Variants in PPP1R17 observed in about 807,000 individuals in gnomAD.
PPP1R17 encodes the protein G-substrate.
Under a neutral mutation model 15.9 loss-of-function variants are expected in PPP1R17, and 12 were observed. That is an observed-to-expected ratio of 0.75 (90% CI 0.48 to 1.22). The LOEUF (loss-of-function observed/expected upper bound fraction) is 1.22, where lower values mean the gene tolerates loss of function less well. PPP1R17 is among the 50% of genes most tolerant of loss of function. The pLI, the probability that PPP1R17 is intolerant of heterozygous loss-of-function variation, is 0.00. For synonymous variants in PPP1R17, 63 were observed against 64.5 expected (o/e 0.98, Z 0.11); for missense variants, 211 against 187.3 (o/e 1.13, Z -0.74).
intron 1 of PPP1R17, among the ~76,000 whole-genome samples, chr7:31,690,080 G>T (rs1207845620): frequency 3.9e-5 from 6 of 152,112 alleles, no homozygotes; most frequent in Non-Finnish European, 8.8e-5. Context: ...TCAATTCATC[G>T]GCCAGAGACA....
chr7:31,697,242 C>G (rs1388620062), intron 4 of PPP1R17, 125 bp downstream of exon 4: 2 of 1,225,756 alleles, frequency 1.6e-6, no homozygotes, highest in Non-Finnish European at 2.2e-6. Context: ...CTGAAGTGCT[C>G]TGGGGAGAAG....
rs961740202 is a variant in PPP1R17 at position 31,707,241 on chromosome 7, C to T, written c.426C>T (p.Ile142=). The change falls in exon 5 of 5, where the codon ATC becomes ATT. Residue 142 remains isoleucine, a synonymous_variant. Transcript: ENST00000342032. ...TCAGGGACGAGAGACCCAAAGCAAT[C>T]GTGGAAGATGACGAAAAGGATGGTG... ...TLLRDERPKA[I]VEDDEKDGDK... The T allele has an allele frequency of 5.6e-6, 9 of 1,613,834 alleles. No homozygotes were observed. The highest frequency in any genetic ancestry group is 5.3e-5 in the African/African-American group (4 of 74,902).
chr7:31,699,571 A>G lies in PPP1R17; in HGVS notation c.388+2454A>G, dbSNP rs115473093. On this transcript the variant is annotated intron_variant, in intron 4 of 4. Coordinates refer to ENST00000342032, the MANE Select transcript of PPP1R17 (RefSeq NM_006658.5). ...TGATATTTCCATACTAGAGGTTTGC[A>G]GTGTTAATGGAATATAGGCCTACCT... Among the ~76,000 whole-genome samples the G allele has an allele frequency of 6.9e-3, 1,046 of 152,252 alleles. 10 individuals are homozygous for G. The highest frequency in any genetic ancestry group is 0.024 in the African/African-American group (998 of 41,550).
chr7:31,695,717 T>A, intron 3 of PPP1R17, 96 bp downstream of exon 3: 1 of 1,331,878 alleles, frequency 7.5e-7, no homozygotes, highest in Non-Finnish European at 1.0e-6. Flanking sequence ...TTCAGGTATT[T>A]TAAAGTAATT....
At chr7:31,690,394 G>A (rs574132919) in intron 1 of PPP1R17, among the ~76,000 whole-genome samples, 5 of 152,290 alleles carry the variant, frequency 3.3e-5, no homozygotes, top group African/African-American at 9.6e-5. Context: ...GGGTAAGCTC[G>A]GGGGACAGAG....
chr7:31,696,598 G>T (rs1410557275), intron 3 of PPP1R17, among the ~76,000 whole-genome samples: 1 of 152,184 alleles, frequency 6.6e-6, no homozygotes, highest in Admixed American at 6.5e-5. Context: ...TGGCTGAAGA[G>T]GATGAGATTT....
Position 31,696,969 on chromosome 7 carries a change from G to T in PPP1R17, c.240G>T (p.Val80=). 6.2e-7 allele frequency: 1 copy of T among 1,614,004 alleles called. No individual in the cohort carries two copies. Among genetic ancestry groups the T allele is most frequent in the Non-Finnish European group, 8.5e-7 (1 of 1,179,956 alleles). The change falls in exon 4 of 5, where the codon GTG becomes GTT. Residue 80 remains valine (V), a synonymous_variant. Coordinates refer to ENST00000342032, the MANE Select transcript of PPP1R17 (RefSeq NM_006658.5). The stretch of plus-strand genomic sequence containing the variant: ...TGTGTTCCCCTAACCATGCAGGTGT[G>T]TTTTCAGAACATTTAATTAAAAGAT... The part of the protein sequence containing the change: ...ALHIPPFIPG[V]FSEHLIKRYD...
chr7:31,701,176 T>C (rs1041256945), intron 4 of PPP1R17, among the ~76,000 whole-genome samples: 1 of 152,188 alleles, frequency 6.6e-6, no homozygotes, highest in Non-Finnish European at 1.5e-5. Flanking sequence ...CAATTTGGTA[T>C]TCTAGATGCC....
intron 4 of PPP1R17, among the ~76,000 whole-genome samples, chr7:31,702,057 A>G (rs1031414171): frequency 1.3e-5 from 2 of 152,344 alleles, no homozygotes; most frequent in East Asian, 3.9e-4. Context: ...TTGCCTTTGT[A>G]TAACCCAGAT....
At chr7:31,690,354 T>C (rs1933183333) in intron 1 of PPP1R17, among the ~76,000 whole-genome samples, 1 of 152,228 alleles carries the variant, frequency 6.6e-6, no homozygotes, top group Admixed American at 6.5e-5. Context: ...GTAGGTATTA[T>C]TATCTCTATT....
intron 1 of PPP1R17, among the ~76,000 whole-genome samples, chr7:31,690,199 T>G (rs1457103296): frequency 2.0e-5 from 3 of 152,232 alleles, no homozygotes; most frequent in Non-Finnish European, 4.4e-5. Flanking sequence ...TTTAGAATCT[T>G]TTCATTATAC....
At chr7:31,702,514 G>C (rs756807097) in intron 4 of PPP1R17, among the ~76,000 whole-genome samples, 1 of 152,130 alleles carries the variant, frequency 6.6e-6, no homozygotes, top group Non-Finnish European at 1.5e-5. Flanking sequence ...CAGCCAGCTC[G>C]AAGCCTCTGC....
intron 4 of PPP1R17, among the ~76,000 whole-genome samples, chr7:31,704,002 T>C (rs1272083302): frequency 6.6e-6 from 1 of 152,138 alleles, no homozygotes; most frequent in Non-Finnish European, 1.5e-5. Context: ...CAGATCTGGG[T>C]AACCAAGGCC....
At chr7:31,702,924 A>T (rs972955700) in intron 4 of PPP1R17, among the ~76,000 whole-genome samples, 1 of 152,208 alleles carries the variant, frequency 6.6e-6, no homozygotes, top group African/African-American at 2.4e-5. Flanking sequence ...AAAAACAAAA[A>T]TATTTATGGG....
intron 1 of PPP1R17, among the ~76,000 whole-genome samples, chr7:31,691,408 C>G (rs1276528710): frequency 6.6e-6 from 1 of 152,102 alleles, no homozygotes; most frequent in Admixed American, 6.5e-5. Flanking sequence ...CTTATTTATT[C>G]CTCCCCCACC....
intron 4 of PPP1R17, among the ~76,000 whole-genome samples, chr7:31,698,770 G>A (rs1473766694): frequency 6.6e-6 from 1 of 152,166 alleles, no homozygotes; most frequent in Non-Finnish European, 1.5e-5. Flanking sequence ...ATGAAGAATG[G>A]GAGATAGAAA....
At chr7:31,700,947 A>G (rs1030976671) in intron 4 of PPP1R17, among the ~76,000 whole-genome samples, 8 of 152,210 alleles carry the variant, frequency 5.3e-5, no homozygotes. Flanking sequence ...TTAACAATGT[A>G]CCTCATCACC....
intron 1 of PPP1R17, among the ~76,000 whole-genome samples, chr7:31,689,305 T>C (rs935471615): frequency 3.3e-5 from 5 of 152,294 alleles, no homozygotes; most frequent in East Asian, 3.9e-4. Flanking sequence ...ATGTGAAGTA[T>C]TAGACAACAA....
intron 4 of PPP1R17, among the ~76,000 whole-genome samples, chr7:31,702,606 A>G (rs1429777803): frequency 6.6e-6 from 1 of 151,910 alleles, no homozygotes; most frequent in Non-Finnish European, 1.5e-5. Flanking sequence ...AATACCCAAA[A>G]CTTTGTCATC....
Sources: gnomAD v4.1 joint callset for allele counts (sites outside exome capture counted in the v4.1 genomes callset) on GRCh38, gnomAD v4.1.1 for gene constraint, MANE v1.5 for transcripts, NCBI Gene and HGNC (gene_info 2026-07-23, HGNC 2026-07-21) for gene names.